The following CSMD3 variants were observed in gnomAD, a reference collection of about 807,000 sequenced individuals.
CSMD3 encodes the protein CUB and Sushi multiple domains 3.
Under a neutral mutation model 435.2 loss-of-function variants are expected in CSMD3, and 177 were observed. The observed-to-expected ratio is 0.41, with a 90% CI of 0.36 to 0.46. CSMD3 has a LOEUF of 0.46. Among genes scored for constraint, CSMD3 ranks in the 20% least tolerant of loss-of-function variants. The probability of loss-of-function intolerance (pLI) is 0.34; values close to 1 mark genes in which losing one functional copy is unlikely to be tolerated. For synonymous variants in CSMD3, 1,656 were observed against 1,520.5 expected, an observed-to-expected ratio of 1.09 and a Z score of -2.07; for missense variants, 4,265 against 4,504.6, an observed-to-expected ratio of 0.95 and a Z score of 1.52.
At chr8:113,207,846 A>G (rs1168436901) in intron 3 of CSMD3, among the ~76,000 whole-genome samples, 2 of 152,172 alleles carry the variant, frequency 1.3e-5, no homozygotes. Context: ...TAATTAAAAG[A>G]TAATATAACG....
At chr8:112,244,100 C>T (rs1814451175) in intron 65 of CSMD3, among the ~76,000 whole-genome samples, 4 of 152,066 alleles carry the variant, frequency 2.6e-5, no homozygotes, top group Admixed American at 2.6e-4. Context: ...TTAAGCCGCC[C>T]AGCCTATGGT....
intron 13 of CSMD3, among the ~76,000 whole-genome samples, chr8:112,780,340 T>A (rs2078352989): frequency 6.6e-6 from 1 of 152,004 alleles, no homozygotes; most frequent in African/African-American, 2.4e-5. Flanking sequence ...TTTCCTTATC[T>A]TAAAGGAAAT....
chr8:113,184,042 G>A (rs983712353), intron 3 of CSMD3, among the ~76,000 whole-genome samples: 23 of 151,974 alleles, frequency 1.5e-4, no homozygotes, highest in Admixed American at 5.3e-4. Context: ...CTGGGCCTCT[G>A]GAACCTTTGC....
intron 13 of CSMD3, among the ~76,000 whole-genome samples, chr8:112,692,616 T>C (rs576935247): frequency 1.3e-5 from 2 of 152,220 alleles, no homozygotes; most frequent in Non-Finnish European, 2.9e-5. Context: ...TTTTTAATAG[T>C]TGAATCAAAT....
intron 70 of CSMD3, among the ~76,000 whole-genome samples, chr8:112,226,350 T>C (rs1812556801): frequency 6.6e-6 from 1 of 152,096 alleles, no homozygotes; most frequent in Non-Finnish European, 1.5e-5. Context: ...ACAAAATAAT[T>C]GCCCCTTCTT....
At chr8:112,764,420 C>T (rs190430015) in intron 13 of CSMD3, among the ~76,000 whole-genome samples, 38 of 151,248 alleles carry the variant, frequency 2.5e-4, no homozygotes, top group Admixed American at 2.6e-4. Flanking sequence ...TTCCAAACAT[C>T]GGTGAATTTA....
rs568918747 is a variant in CSMD3 at position 112,817,213 on chromosome 8, G to GA, written c.1859+12472dup. 2.2e-3 allele frequency among the ~76,000 whole-genome samples: 342 copies of GA among 152,142 alleles called. 2 individuals are homozygous for GA. Among genetic ancestry groups the GA allele is most frequent in the East Asian group, 0.014 (75 of 5,182 alleles). ...AGTGACACATGCAAAAGAAAATGCA[G>GA]AAAAATGAAGGAGTATCACATATCT... On this transcript the variant is annotated intron_variant, in intron 12 of 70. Coordinates refer to ENST00000297405, the MANE Select transcript of CSMD3 (RefSeq NM_198123.2).
chr8:112,916,214 CA>C (rs981159856), intron 10 of CSMD3, among the ~76,000 whole-genome samples: 21 of 151,836 alleles, frequency 1.4e-4, no homozygotes, highest in African/African-American at 4.1e-4. Context: ...GAGAGCTAGG[CA>C]AAATGTATAG....
At chr8:113,143,699 C>G (rs950806616) in intron 4 of CSMD3, among the ~76,000 whole-genome samples, 3 of 151,252 alleles carry the variant, frequency 2.0e-5, no homozygotes, top group Admixed American at 1.3e-4. Flanking sequence ...ATGTCAATCC[C>G]AAAAAATTAC....
chr8:112,917,250 A>G (rs1168796125), intron 10 of CSMD3, among the ~76,000 whole-genome samples: 1 of 151,978 alleles, frequency 6.6e-6, no homozygotes, highest in Non-Finnish European at 1.5e-5. Context: ...CTGTCCATGA[A>G]ATGATTAGGG....
At chr8:112,350,815 C>T (rs2131050954) in intron 40 of CSMD3, among the ~76,000 whole-genome samples, 1 of 152,114 alleles carries the variant, frequency 6.6e-6, no homozygotes, top group East Asian at 1.9e-4. Flanking sequence ...GATTCTTTAT[C>T]TATTCCCGCT....
At position 112,314,628 on chromosome 8, in the gene CSMD3, A is replaced by G. The variant is rs1482206204; in HGVS notation, c.7361-11T>C. 6.3e-7 allele frequency: 1 copy of G among 1,599,558 alleles called. No individual in the cohort carries two copies. Among genetic ancestry groups the G allele is most frequent in the Non-Finnish European group, 8.6e-7 (1 of 1,167,312 alleles). On this transcript the variant is annotated splice_polypyrimidine_tract_variant and intron_variant, in intron 47 of 70. Coordinates refer to ENST00000297405, the MANE Select transcript of CSMD3 (RefSeq NM_198123.2). ...TGGCAGGACAGAGCACTGTCAAAGA[A>G]AAATGTCATTAAATAATGCCAGTCT... is the stretch of plus-strand genomic sequence containing the variant.
At chr8:112,821,396 G>C (rs1338480676) in intron 12 of CSMD3, among the ~76,000 whole-genome samples, 2 of 151,924 alleles carry the variant, frequency 1.3e-5, no homozygotes, top group African/African-American at 2.4e-5. Flanking sequence ...TCTCTATAAT[G>C]ATCAATGATG....
chr8:112,410,662 GTA>G (rs1158383088), intron 32 of CSMD3, among the ~76,000 whole-genome samples: 1,087 of 93,398 alleles, frequency 0.012, 40 homozygotes, highest in African/African-American at 0.039. Context: ...GTATATATAT[GTA>G]TATATATATG....
chr8:112,380,272 T>C (rs1260475292), intron 38 of CSMD3, 80 bp downstream of exon 38: 4 of 771,868 alleles, frequency 5.2e-6, no homozygotes, highest in Admixed American at 3.8e-5. Context: ...TGCTATAATA[T>C]GTACATATCA....
At chr8:112,381,161 A>T (rs906240766) in intron 37 of CSMD3, among the ~76,000 whole-genome samples, 1 of 150,374 alleles carries the variant, frequency 6.7e-6, no homozygotes. Flanking sequence ...AGACAGCTAG[A>T]TAGATAGATT....
At chr8:112,932,197 G>A (rs1237140419) in intron 9 of CSMD3, among the ~76,000 whole-genome samples, 1 of 152,160 alleles carries the variant, frequency 6.6e-6, no homozygotes, top group Non-Finnish European at 1.5e-5. Flanking sequence ...CAATCTAAGT[G>A]TCTATCAGCA....
At chr8:112,538,661 C>T (rs991961601) in intron 27 of CSMD3, among the ~76,000 whole-genome samples, 1 of 151,936 alleles carries the variant, frequency 6.6e-6, no homozygotes, top group Non-Finnish European at 1.5e-5. Context: ...AATCTCTCTA[C>T]AATGAAATTT....
chr8:112,331,017 A>T (rs1456217497), intron 45 of CSMD3, among the ~76,000 whole-genome samples: 1 of 151,990 alleles, frequency 6.6e-6, no homozygotes, highest in East Asian at 1.9e-4. Flanking sequence ...TTTGTTCATT[A>T]TTAAAATGAA....
Sources: allele counts gnomAD v4.1 joint callset (sites outside exome capture counted in the v4.1 genomes callset), GRCh38; gene constraint gnomAD v4.1.1; transcripts MANE v1.5; gene names NCBI Gene and HGNC (gene_info 2026-07-23, HGNC 2026-07-21).